Variants in TSHZ2 observed in about 807,000 individuals in gnomAD.
The protein encoded by TSHZ2 is teashirt zinc finger homeobox 2.
In TSHZ2, 21 loss-of-function variants were observed where a neutral mutation model predicts 74.4. The ratio of observed to expected loss-of-function variants is 0.28; its 90% CI spans 0.20 to 0.41. The LOEUF (loss-of-function observed/expected upper bound fraction) is 0.41. Among genes scored for constraint, TSHZ2 ranks in the 10% least tolerant of loss-of-function variants. The pLI, the probability that TSHZ2 is intolerant of heterozygous loss-of-function variation, is 1.00. For missense variants in TSHZ2, 1,244 were observed against 1,293.5 expected, an observed-to-expected ratio of 0.96 and a Z score of 0.59; for synonymous variants, 540 against 515.3, an observed-to-expected ratio of 1.05 and a Z score of -0.65.
intron 1 of TSHZ2, among the ~76,000 whole-genome samples, chr20:53,082,082 A>G (rs1985554766): frequency 6.6e-6 from 1 of 152,146 alleles, no homozygotes; most frequent in Admixed American, 6.5e-5. Context: ...CTCTTAACAG[A>G]CACTTCTAAA....
At chr20:53,454,029 T>C (rs376917913) in intron 2 of TSHZ2, among the ~76,000 whole-genome samples, 6 of 152,190 alleles carry the variant, frequency 3.9e-5, no homozygotes, top group Admixed American at 6.5e-5. Context: ...TATACACACA[T>C]GCACCAAAAT....
chr20:53,030,302 C>T (rs114799396), intron 1 of TSHZ2, among the ~76,000 whole-genome samples: 1,555 of 150,454 alleles, frequency 0.01, 21 homozygotes, highest in African/African-American at 0.033. Context: ...AATTCACAGA[C>T]GACACTATTC....
intron 1 of TSHZ2, among the ~76,000 whole-genome samples, chr20:53,001,215 T>C (rs940499135): frequency 3.1e-5 from 4 of 130,706 alleles, no homozygotes; most frequent in African/African-American, 1.2e-4. Flanking sequence ...CGTGTGTGTG[T>C]GTGTGTGTGT....
intron 1 of TSHZ2, among the ~76,000 whole-genome samples, chr20:52,995,207 G>A (rs1169126149): frequency 2.0e-5 from 3 of 152,286 alleles, no homozygotes; most frequent in African/African-American, 7.2e-5. Flanking sequence ...GAGACCCAAG[G>A]AATGGAGTTG....
intron 2 of TSHZ2, among the ~76,000 whole-genome samples, chr20:53,426,206 T>G (rs1356516142): frequency 6.6e-6 from 1 of 152,224 alleles, no homozygotes; most frequent in Non-Finnish European, 1.5e-5. Context: ...CAGGACTTCC[T>G]GGTTAAAAAA....
chr20:53,376,941 A>T (rs1300855044), intron 2 of TSHZ2, among the ~76,000 whole-genome samples: 1 of 152,228 alleles, frequency 6.6e-6, no homozygotes, highest in Non-Finnish European at 1.5e-5. Context: ...CCAAATTCAA[A>T]AAGAGTGGAA....
In TSHZ2 at chr20:53,392,976, G is replaced by A. The variant is rs539591365; in HGVS notation, c.*9-94168G>A. Among the ~76,000 whole-genome samples the A allele has an allele frequency of 3.0e-4, 46 of 152,168 alleles. 1 individual carries two copies. Among genetic ancestry groups the A allele is most frequent in the Admixed American group, 7.2e-4 (11 of 15,284 alleles). ...AACCTCCCGAGTAGCTGGGATTACC[G>A]CATGCACCACCACGCCCAGATAGTT... On this transcript the variant is annotated intron_variant, in intron 2 of 2. Transcript: ENST00000371497.
At chr20:53,092,551 C>T (rs532703724) in intron 1 of TSHZ2, among the ~76,000 whole-genome samples, 1 of 152,348 alleles carries the variant, frequency 6.6e-6, no homozygotes, top group Non-Finnish European at 1.5e-5. Flanking sequence ...CCCTGGTATG[C>T]TGCTCATTGT....
chr20:53,428,816 T>A (rs189374436), intron 2 of TSHZ2, among the ~76,000 whole-genome samples: 1 of 152,190 alleles, frequency 6.6e-6, no homozygotes, highest in South Asian at 2.1e-4. Context: ...AAAAATGTCA[T>A]GCATGTGAAT....
At chr20:53,444,953 T>C (rs1984495138) in intron 2 of TSHZ2, among the ~76,000 whole-genome samples, 1 of 152,206 alleles carries the variant, frequency 6.6e-6, no homozygotes, top group African/African-American at 2.4e-5. Flanking sequence ...GTAACGAACA[T>C]GTCTGCTGGT....
At chr20:53,423,302 T>A (rs1983544406) in intron 2 of TSHZ2, among the ~76,000 whole-genome samples, 1 of 152,054 alleles carries the variant, frequency 6.6e-6, no homozygotes, top group Admixed American at 6.6e-5. Context: ...GAGAATCACT[T>A]GAGCCCAGGA....
At chr20:53,402,931 A>G (rs916251699) in intron 2 of TSHZ2, among the ~76,000 whole-genome samples, 1 of 152,194 alleles carries the variant, frequency 6.6e-6, no homozygotes, top group South Asian at 2.1e-4. Context: ...CCTCAAAAAC[A>G]TCAACTCCCA....
chr20:53,017,432 G>A (rs1302478068), intron 1 of TSHZ2, among the ~76,000 whole-genome samples: 1 of 152,088 alleles, frequency 6.6e-6, no homozygotes. Context: ...TAGCATACGG[G>A]CCAACATTTT....
chr20:53,113,893 A>C (rs1986599505), intron 1 of TSHZ2, among the ~76,000 whole-genome samples: 1 of 152,102 alleles, frequency 6.6e-6, no homozygotes, highest in South Asian at 2.1e-4. Context: ...TTCACTCAGC[A>C]GTGGCTCTTT....
At chr20:53,440,199 T>A (rs1433234168) in intron 2 of TSHZ2, among the ~76,000 whole-genome samples, 1 of 152,140 alleles carries the variant, frequency 6.6e-6, no homozygotes, top group Non-Finnish European at 1.5e-5. Flanking sequence ...CTCTTTTCAG[T>A]ATATTTAATT....
At chr20:53,173,556 C>A (rs894723118) in intron 1 of TSHZ2, among the ~76,000 whole-genome samples, 4 of 152,054 alleles carry the variant, frequency 2.6e-5, no homozygotes. Flanking sequence ...TGCAGTGAGC[C>A]GACGTAGCGC....
intron 2 of TSHZ2, among the ~76,000 whole-genome samples, chr20:53,419,454 C>T (rs1355939856): frequency 6.6e-6 from 1 of 152,142 alleles, no homozygotes; most frequent in Non-Finnish European, 1.5e-5. Context: ...AGACACTGTG[C>T]TAAACTCTTT....
chr20:53,065,694 A>G (rs190317260), intron 1 of TSHZ2, among the ~76,000 whole-genome samples: 155 of 152,250 alleles, frequency 1.0e-3, no homozygotes, highest in African/African-American at 3.6e-3. Context: ...ACAGGACCCT[A>G]CCTTCCTCCC....
chr20:53,290,759 C>T (rs146867561), intron 2 of TSHZ2, among the ~76,000 whole-genome samples: 164 of 152,304 alleles, frequency 1.1e-3, no homozygotes, highest in African/African-American at 3.6e-3. Context: ...AAGGCTAGAC[C>T]TGTAGTCAGT....
Sources: gnomAD v4.1 joint callset for allele counts (sites outside exome capture counted in the v4.1 genomes callset) on GRCh38, gnomAD v4.1.1 for gene constraint, MANE v1.5 for transcripts, NCBI Gene and HGNC (gene_info 2026-07-23, HGNC 2026-07-21) for gene names.